The following WWOX variants were observed in gnomAD, a reference collection of about 807,000 sequenced individuals.
The protein encoded by WWOX is WW domain-containing oxidoreductase.
A neutral mutation model predicts 46.2 loss-of-function variants in WWOX; 69 were observed. That is an observed-to-expected ratio of 1.49 (90% CI 1.23 to 1.82). The LOEUF is 1.82. Among genes scored for constraint, WWOX ranks in the 40% most tolerant of loss-of-function variants. The pLI is 0.00. For synonymous variants in WWOX, 359 were observed against 202.6 expected (o/e 1.77, Z -6.56); for missense variants, 919 against 542.6 (o/e 1.69, Z -6.89).
At chr16:78,971,482 A>C (rs1229568460) in intron 8 of WWOX, among the ~76,000 whole-genome samples, 2 of 147,136 alleles carry the variant, frequency 1.4e-5, no homozygotes, top group Non-Finnish European at 3.0e-5. Context: ...AAAGAGAGAG[A>C]TAGGCTGTTT....
At chr16:78,427,763 G>A (rs2151962093) in intron 7 of WWOX, among the ~76,000 whole-genome samples, 1 of 152,126 alleles carries the variant, frequency 6.6e-6, no homozygotes. Context: ...GGGTGACAGA[G>A]TGAGACCCCA....
intron 8 of WWOX, among the ~76,000 whole-genome samples, chr16:79,210,199 T>A (rs11150144): frequency 0.17 from 26,389 of 152,118 alleles, 2,540 homozygotes; most frequent in East Asian, 0.32. Flanking sequence ...ACCAACTCCA[T>A]TGTTACTAGA....
At chr16:78,838,339 G>C (rs138419400) in intron 8 of WWOX, among the ~76,000 whole-genome samples, 1 of 152,328 alleles carries the variant, frequency 6.6e-6, no homozygotes, top group East Asian at 1.9e-4. Context: ...GCTGACTTCA[G>C]AGGAGGCTTT....
chr16:78,190,495 G>A (rs2035851601), intron 5 of WWOX, among the ~76,000 whole-genome samples: 1 of 152,212 alleles, frequency 6.6e-6, no homozygotes, highest in Admixed American at 6.5e-5. Context: ...CAAAGGCTAT[G>A]CCTGCTGGGT....
At chr16:78,745,851 C>T (rs1271595799) in intron 8 of WWOX, among the ~76,000 whole-genome samples, 1 of 150,742 alleles carries the variant, frequency 6.6e-6, no homozygotes, top group Non-Finnish European at 1.5e-5. Context: ...TGGTGTAGAT[C>T]ATCTAGTTTG....
At chr16:78,723,313 TG>T (rs1426989266) in intron 8 of WWOX, among the ~76,000 whole-genome samples, 1 of 152,148 alleles carries the variant, frequency 6.6e-6, no homozygotes, top group Non-Finnish European at 1.5e-5. Context: ...CATGGTCTCT[TG>T]CCTTGGGGTC....
rs78666366 is a variant in WWOX, at chr16:78,402,573, C to T, written c.605+15625C>T. On this transcript the variant is annotated intron_variant, in intron 6 of 8. Transcript: ENST00000566780. ...CCCAAGCTCAACACCAACCCCCTTT[C>T]TGAGCCCCTCTTGAAGGAGAGTTCC... Among the ~76,000 whole-genome samples the T allele has an allele frequency of 3.7e-3, 564 of 152,250 alleles. 1 individual carries two copies. The highest frequency in any genetic ancestry group is 6.1e-3 in the Non-Finnish European group (412 of 68,024).
intron 8 of WWOX, among the ~76,000 whole-genome samples, chr16:78,940,567 C>G (rs769938685): frequency 1.3e-5 from 2 of 152,096 alleles, no homozygotes; most frequent in Non-Finnish European, 2.9e-5. Context: ...CCATTAGTAC[C>G]TGAGTGGGGG....
rs145937669 is a variant in WWOX at position 78,777,781 on chromosome 16, T to C, written c.1056+345029T>C. Among the ~76,000 whole-genome samples the C allele has an allele frequency of 3.8e-3, 578 of 152,258 alleles. 6 individuals are homozygous for C. The highest frequency in any genetic ancestry group is 0.014 in the African/African-American group (563 of 41,552). Reference sequence around the variant, plus strand: ...TCACATTTCGACTGGGCCTGGTGGCTCACGCCTGTAATCCCAGCACTTTGG... The same window carrying C: ...TCACATTTCGACTGGGCCTGGTGGCCCACGCCTGTAATCCCAGCACTTTGG... On this transcript the variant is annotated intron_variant, in intron 8 of 8. Coordinates refer to ENST00000566780, the MANE Select transcript of WWOX (RefSeq NM_016373.4).
chr16:78,114,585 C>T (rs776977071), intron 3 of WWOX, among the ~76,000 whole-genome samples: 7 of 151,978 alleles, frequency 4.6e-5, no homozygotes, highest in Non-Finnish European at 7.4e-5. Context: ...GTCTTTAGGC[C>T]CTTGCACAGG....
chr16:78,462,767 G>C (rs1021699740), intron 8 of WWOX, among the ~76,000 whole-genome samples: 4 of 152,214 alleles, frequency 2.6e-5, no homozygotes, highest in Non-Finnish European at 1.5e-5. Context: ...AACTCGTCCT[G>C]CCGCCTGGAC....
intron 8 of WWOX, among the ~76,000 whole-genome samples, chr16:79,104,115 C>G (rs2049260675): frequency 6.6e-6 from 1 of 151,064 alleles, no homozygotes; most frequent in Admixed American, 6.6e-5. Flanking sequence ...TTTTTCAGCC[C>G]TGGGAGGCTC....
chr16:78,624,503 C>G (rs1022736094), intron 8 of WWOX, among the ~76,000 whole-genome samples: 4 of 152,206 alleles, frequency 2.6e-5, no homozygotes, highest in Non-Finnish European at 5.9e-5. Flanking sequence ...CTTTCCCTCA[C>G]AGGACAATAT....
At chr16:78,621,163 C>G (rs1265989815) in intron 8 of WWOX, among the ~76,000 whole-genome samples, 2 of 152,148 alleles carry the variant, frequency 1.3e-5, no homozygotes, top group Non-Finnish European at 2.9e-5. Flanking sequence ...ATGGTTTTAA[C>G]TCACACCTGT....
intron 8 of WWOX, among the ~76,000 whole-genome samples, chr16:79,069,853 C>T (rs1274531871): frequency 1.3e-5 from 2 of 152,092 alleles, no homozygotes; most frequent in Non-Finnish European, 2.9e-5. Context: ...TCTATGTAAA[C>T]CAACTTTGGC....
intron 8 of WWOX, among the ~76,000 whole-genome samples, chr16:78,941,438 C>T (rs931300531): frequency 6.6e-6 from 1 of 151,466 alleles, no homozygotes; most frequent in African/African-American, 2.4e-5. Flanking sequence ...GTAAGCGCAT[C>T]ATTACCTTCC....
rs73579314 is a variant in WWOX, at chr16:78,846,301, A to T, written c.1057-365307A>T. On this transcript the variant is annotated intron_variant, in intron 8 of 8. Transcript: ENST00000566780. ...TGATGCTATTAACTACACTCAGACT[A>T]TAACTGACCAACAGACTTTATTTGG... Among the ~76,000 whole-genome samples, 1,186 of 152,338 alleles carry T rather than the reference A, an allele frequency of 7.8e-3. 10 individuals carry two copies. Among genetic ancestry groups the T allele is most frequent in the African/African-American group, 0.027 (1,123 of 41,582 alleles).
At chr16:78,910,631 G>A (rs570587983) in intron 8 of WWOX, among the ~76,000 whole-genome samples, 14 of 151,962 alleles carry the variant, frequency 9.2e-5, no homozygotes, top group African/African-American at 1.4e-4. Context: ...TCCACATGGC[G>A]GTGGAGGTGT....
At chr16:78,912,881 C>T (rs2045148102) in intron 8 of WWOX, among the ~76,000 whole-genome samples, 1 of 151,886 alleles carries the variant, frequency 6.6e-6, no homozygotes, top group African/African-American at 2.4e-5. Context: ...TTTAAAACAC[C>T]ATCAGCTTGG....
Sources: gnomAD v4.1 joint callset for allele counts (sites outside exome capture counted in the v4.1 genomes callset) on GRCh38, gnomAD v4.1.1 for gene constraint, MANE v1.5 for transcripts, NCBI Gene and HGNC (gene_info 2026-07-23, HGNC 2026-07-21) for gene names.